Variants in CNTN6 observed in about 807,000 individuals in gnomAD.
CNTN6 encodes contactin 6.
In CNTN6, 137 loss-of-function variants were observed where a neutral mutation model predicts 122.8. The observed-to-expected ratio is 1.12, with a 90% CI of 0.97 to 1.29. The LOEUF (loss-of-function observed/expected upper bound fraction) is 1.29. Among genes scored for constraint, CNTN6 ranks in the 50% most tolerant of loss-of-function variants. The pLI is 0.00. For missense variants in CNTN6, 1,634 were observed against 1,223.4 expected, an observed-to-expected ratio of 1.34 and a Z score of -5.01; for synonymous variants, 570 against 426.0, an observed-to-expected ratio of 1.34 and a Z score of -4.16.
At chr3:1,303,318 T>A (rs1372723621) in intron 7 of CNTN6, among the ~76,000 whole-genome samples, 1 of 152,188 alleles carries the variant, frequency 6.6e-6, no homozygotes, top group Non-Finnish European at 1.5e-5. Context: ...GACTGTTTTT[T>A]AGCAGGCTTT....
chr3:1,144,901 G>A (rs1205697259), intron 1 of CNTN6, among the ~76,000 whole-genome samples: 2 of 152,264 alleles, frequency 1.3e-5, no homozygotes, highest in East Asian at 3.9e-4. Flanking sequence ...GTTGGAGGTA[G>A]CTTGCGAATG....
chr3:1,143,575 C>G (rs1456033524), intron 1 of CNTN6, among the ~76,000 whole-genome samples: 2 of 152,126 alleles, frequency 1.3e-5, no homozygotes. Context: ...CTGAATATTT[C>G]TACTCGATTC....
chr3:1,153,844 A>G (rs990073161), intron 2 of CNTN6, among the ~76,000 whole-genome samples: 4 of 152,216 alleles, frequency 2.6e-5, no homozygotes, highest in African/African-American at 7.2e-5. Context: ...GGCAGGTGTA[A>G]TAAACCTGCT....
intron 11 of CNTN6, among the ~76,000 whole-genome samples, chr3:1,338,376 G>A (rs1229088561): frequency 6.6e-6 from 1 of 152,072 alleles, no homozygotes; most frequent in East Asian, 1.9e-4. Flanking sequence ...AGTAGGTGTG[G>A]AATAGGTTAA....
chr3:1,383,371 CCTGGAATAGAAACA>C lies in CNTN6; in HGVS notation c.2487_2500del (p.Asn829LysfsTer6). The C allele has an allele frequency of 1.2e-6, 2 of 1,613,876 alleles. No homozygotes were observed. The highest frequency in any genetic ancestry group is 1.7e-6 in the Non-Finnish European group (2 of 1,179,834). ...ATGGAGGTTTCATGGAATGCTATTGCCTGGAATAGAAACACTGGAAGAGTGCTGGGCTATGAGGT... is the reference window on the plus strand; with the variant it reads ...ATGGAGGTTTCATGGAATGCTATTGCCTGGAAGAGTGCTGGGCTATGAGGT... On this transcript the variant is annotated frameshift_variant, in exon 19 of 23. Transcript: ENST00000446702. LOFTEE classifies it high-confidence loss of function.
chr3:1,251,826 C>T (rs983898561), intron 4 of CNTN6, among the ~76,000 whole-genome samples: 1 of 152,076 alleles, frequency 6.6e-6, no homozygotes, highest in Non-Finnish European at 1.5e-5. Flanking sequence ...ACAACATTTT[C>T]CTGACCCTTT....
chr3:1,310,345 C>A (rs1253600582), intron 7 of CNTN6, among the ~76,000 whole-genome samples: 1 of 152,054 alleles, frequency 6.6e-6, no homozygotes, highest in Non-Finnish European at 1.5e-5. Flanking sequence ...TTGCATTTTT[C>A]CAAATGCTTT....
At chr3:1,248,038 T>C (rs114410902) in intron 4 of CNTN6, among the ~76,000 whole-genome samples, 8,930 of 152,172 alleles carry the variant, frequency 0.059, 342 homozygotes, top group East Asian at 0.15. Context: ...TTTGTTGGTA[T>C]GTTGGGTGGC....
At chr3:1,173,903 G>A (rs978087999) in intron 2 of CNTN6, among the ~76,000 whole-genome samples, 3 of 152,058 alleles carry the variant, frequency 2.0e-5, no homozygotes, top group Admixed American at 2.0e-4. Context: ...TTTGTAAACT[G>A]GTGGGGTTGG....
In CNTN6 at chr3:1,327,441, C is replaced by T. The variant is rs1268293267; in HGVS notation, c.1084-16C>T. ...ATTAACGTACAAGCATCTTTATATG[C>T]CTTTTCCTTTATTAGGAGAGAATTC... On this transcript the variant is annotated splice_polypyrimidine_tract_variant and intron_variant, in intron 9 of 22. Transcript: ENST00000446702. The T allele has an allele frequency of 3.7e-6, 6 of 1,607,406 alleles. No homozygotes were observed. The highest frequency in any genetic ancestry group is 5.1e-6 in the Non-Finnish European group (6 of 1,175,902).
In CNTN6 at chr3:1,382,985, T is replaced by A. The variant is rs1692150501; in HGVS notation, c.2210T>A (p.Ile737Asn). Residue 737 changes from isoleucine (I) to asparagine (N), a missense_variant, in exon 18 of 23, where the codon ATC (isoleucine) becomes AAC (asparagine). Ile to Asn is a moderately radical substitution (Grantham distance 149). Transcript: ENST00000446702. ...CAGAATGGGGAGGGATTTGGATATA[T>A]CATCATGTTCCGGCCAGTGGGCTCG... ...ELQNGEGFGY[I>N]IMFRPVGSTT... 1 of 1,614,072 alleles carries A rather than the reference T, an allele frequency of 6.2e-7. No individual in the cohort carries two copies. Among genetic ancestry groups the A allele is most frequent in the East Asian group, 2.2e-5 (1 of 44,882 alleles).
chr3:1,383,269 G>A, intron 18 of CNTN6, 24 bp from the exon 19 acceptor site: 1 of 1,604,184 alleles, frequency 6.2e-7, no homozygotes, highest in Non-Finnish European at 8.5e-7. Flanking sequence ...GCTAAAGATG[G>A]TTATGTCTTT....
intron 4 of CNTN6, among the ~76,000 whole-genome samples, chr3:1,261,137 C>T (rs1031834469): frequency 4.6e-5 from 7 of 152,118 alleles, no homozygotes; most frequent in African/African-American, 1.7e-4. Flanking sequence ...GCTGCTAGAG[C>T]AGTACGGGGC....
chr3:1,194,405 C>T (rs1368302491), intron 2 of CNTN6, among the ~76,000 whole-genome samples: 1 of 152,008 alleles, frequency 6.6e-6, no homozygotes, highest in Non-Finnish European at 1.5e-5. Flanking sequence ...CAGAGTGGAT[C>T]AGATCTTTAT....
intron 11 of CNTN6, among the ~76,000 whole-genome samples, chr3:1,349,395 G>GT (rs1260279867): frequency 1.3e-5 from 2 of 151,204 alleles, no homozygotes; most frequent in African/African-American, 4.8e-5. Context: ...CTGGCTGTGT[G>GT]TGTTTTTTTT....
intron 7 of CNTN6, among the ~76,000 whole-genome samples, chr3:1,316,822 T>A (rs1004402711): frequency 1.3e-5 from 2 of 151,954 alleles, no homozygotes; most frequent in Non-Finnish European, 2.9e-5. Context: ...TGTTTTTCAT[T>A]GATTCCAGTT....
At chr3:1,157,748 A>G (rs1323699484) in intron 2 of CNTN6, among the ~76,000 whole-genome samples, 8 of 152,114 alleles carry the variant, frequency 5.3e-5, no homozygotes, top group African/African-American at 1.4e-4. Context: ...AAGTGAGAAC[A>G]TGTGAAGTTT....
chr3:1,401,926 C>T (rs2126263608), intron 21 of CNTN6, among the ~76,000 whole-genome samples: 1 of 152,098 alleles, frequency 6.6e-6, no homozygotes, highest in African/African-American at 2.4e-5. Flanking sequence ...ACATAAAAGG[C>T]ATCTAACAAG....
intron 4 of CNTN6, 142 bp downstream of exon 4, chr3:1,228,135 T>A (rs892266288): frequency 2.8e-6 from 2 of 704,448 alleles, no homozygotes; most frequent in African/African-American, 3.6e-5. Context: ...GTTCATTTTG[T>A]GAATCTAGAT....
Sources: allele counts gnomAD v4.1 joint callset (sites outside exome capture counted in the v4.1 genomes callset), GRCh38; gene constraint gnomAD v4.1.1; transcripts MANE v1.5; gene names NCBI Gene and HGNC (gene_info 2026-07-23, HGNC 2026-07-21).